The following LRGUK variants were observed in gnomAD, a reference collection of about 807,000 sequenced individuals.
LRGUK encodes the protein leucine-rich repeat and guanylate kinase domain-containing protein.
Under a neutral mutation model 76.0 loss-of-function variants are expected in LRGUK, and 65 were observed. The observed-to-expected ratio is 0.85, with a 90% CI of 0.70 to 1.05. LRGUK has a LOEUF of 1.05. LRGUK is among the 50% of genes least tolerant of loss of function. The pLI is 0.00. For synonymous variants in LRGUK, 268 were observed against 265.6 expected, an observed-to-expected ratio of 1.01 and a Z score of -0.09; for missense variants, 758 against 732.8, an observed-to-expected ratio of 1.03 and a Z score of -0.40.
chr7:134,150,281 A>G (rs1179253783), intron 5 of LRGUK, among the ~76,000 whole-genome samples: 2 of 65,668 alleles, frequency 3.0e-5, no homozygotes, highest in Non-Finnish European at 5.6e-5. Flanking sequence ...TGTCTCAAAA[A>G]ACAAAAAAAA....
chr7:134,247,716 C>T lies in LRGUK; in HGVS notation c.2072+72C>T, dbSNP rs892414036. ...CAAATAGATCAAATGAATCCTAAATCGTGAACATAAACAGAGACCTCTGTC... is the reference window on the plus strand; with the variant it reads ...CAAATAGATCAAATGAATCCTAAATTGTGAACATAAACAGAGACCTCTGTC... On this transcript the variant is annotated intron_variant, in intron 17 of 19. Coordinates refer to the LRGUK transcript ENST00000285928. 30 of 1,211,616 alleles carry T rather than the reference C, an allele frequency of 2.5e-5. No homozygotes were observed. In the South Asian group the frequency reaches 2.5e-4, roughly 10 times the overall value. The allele number at this position is 1,211,616 out of a possible 1,614,324, so 75.1% of individuals were successfully genotyped here.
At chr7:134,174,474 C>T in intron 7 of LRGUK, 82 bp from the exon 8 acceptor site, 1 of 829,846 alleles carries the variant, frequency 1.2e-6, no homozygotes, top group South Asian at 1.6e-5. Context: ...TTTAAAGGAC[C>T]CAAACTGGCT....
exon 16 of LRGUK, chr7:134,209,567 G>A (rs1180769226): frequency 2.5e-6 from 1 of 399,016 alleles, no homozygotes; most frequent in African/African-American, 2.1e-5. Context: ...CCAGCCTCAG[G>A]TGCTGGCTCC....
chr7:134,247,430 G>T, intron 16 of LRGUK, 126 bp from the exon 17 acceptor site: 4 of 562,844 alleles, frequency 7.1e-6, no homozygotes, highest in Non-Finnish European at 1.2e-5. Flanking sequence ...TGTTTTTTAT[G>T]CCTTTTCCCC....
intron 6 of LRGUK, among the ~76,000 whole-genome samples, 174 bp from the exon 7 acceptor site, chr7:134,163,223 G>A (rs541612682): frequency 1.3e-5 from 2 of 152,268 alleles, no homozygotes; most frequent in Admixed American, 6.5e-5. Flanking sequence ...TCTTTCTGGG[G>A]TATGTGTAGG....
intron 1 of LRGUK, among the ~76,000 whole-genome samples, chr7:134,129,920 A>G (rs1315049807): frequency 6.6e-6 from 1 of 151,546 alleles, no homozygotes; most frequent in African/African-American, 2.4e-5. Flanking sequence ...TCCTTTCCTC[A>G]TTTGTCTTAT....
At chr7:134,127,466 C>G in exon 1 of LRGUK, 1 of 1,614,058 alleles carries the variant, frequency 6.2e-7, no homozygotes. Flanking sequence ...TACAGTTTCG[C>G]GCAGAAAAAG....
intron 4 of LRGUK, among the ~76,000 whole-genome samples, chr7:134,146,014 T>C (rs759514352): frequency 6.6e-6 from 1 of 152,196 alleles, no homozygotes; most frequent in Admixed American, 6.5e-5. Flanking sequence ...GGCTGAGGCC[T>C]GTAATCCCAG....
At chr7:134,258,769 A>T (rs1585609487) in intron 19 of LRGUK, among the ~76,000 whole-genome samples, 1 of 152,120 alleles carries the variant, frequency 6.6e-6, no homozygotes, top group Admixed American at 6.5e-5. Context: ...ATTTGTTTAT[A>T]TATGTTTCCT....
chr7:134,271,986 GTTA>G, the LRGUK span, among the ~76,000 whole-genome samples: 1 of 151,862 alleles, frequency 6.6e-6, no homozygotes, highest in Non-Finnish European at 1.5e-5. Context: ...CTTTCCATCC[GTTA>G]TTATTTTCTT....
the LRGUK span, among the ~76,000 whole-genome samples, chr7:134,276,438 G>A: frequency 6.6e-6 from 1 of 152,100 alleles, no homozygotes; most frequent in Non-Finnish European, 1.5e-5. Context: ...TGTTAGGCTC[G>A]GTCACGGAAG....
chr7:134,173,852 T>A lies in LRGUK; in HGVS notation c.940-704T>A, dbSNP rs544506167. 1.2e-4 allele frequency among the ~76,000 whole-genome samples: 18 copies of A among 152,312 alleles called. No homozygotes were observed. In the South Asian group the frequency reaches 3.7e-3, roughly 32 times the overall value. Reference sequence around the variant, plus strand: ...AGGCTTTGGCCGGGTGGCTCATGCCTGTAATCCCAGAACTTTGGGAGGCTG... The same window carrying A: ...AGGCTTTGGCCGGGTGGCTCATGCCAGTAATCCCAGAACTTTGGGAGGCTG... On this transcript the variant is annotated intron_variant, in intron 7 of 15. Coordinates refer to ENST00000645682, the Ensembl canonical transcript of LRGUK.
At chr7:134,271,977 T>C in the LRGUK span, among the ~76,000 whole-genome samples, 17 of 152,138 alleles carry the variant, frequency 1.1e-4, no homozygotes, top group African/African-American at 3.9e-4. Context: ...ATTCCTTTTC[T>C]TTCCATCCGT....
chr7:134,252,853 G>A (rs1352673920), intron 18 of LRGUK, among the ~76,000 whole-genome samples: 2 of 152,148 alleles, frequency 1.3e-5, no homozygotes, highest in Admixed American at 6.5e-5. Context: ...CCAGATGATA[G>A]CTAATTGCAC....
downstream of LRGUK, among the ~76,000 whole-genome samples, chr7:134,266,299 C>T (rs768127581): frequency 5.5e-4 from 84 of 152,164 alleles, no homozygotes; most frequent in Middle Eastern, 3.4e-3. Context: ...TATGCCCACA[C>T]CAAAATGACA....
chr7:134,210,230 C>T (rs898650518), exon 16 of LRGUK: 1 of 399,142 alleles, frequency 2.5e-6, no homozygotes, highest in East Asian at 3.6e-5. Flanking sequence ...CAACCCCAGC[C>T]CTCCTCTTGT....
In LRGUK at chr7:134,223,186, T is replaced by C. The variant is rs573183101; in HGVS notation, c.1983+1268T>C. Among the ~76,000 whole-genome samples, 6 of 152,328 alleles carry C rather than the reference T, an allele frequency of 3.9e-5. No individual in the cohort carries two copies. In the East Asian group the frequency reaches 1.2e-3, roughly 29 times the overall value. On this transcript the variant is annotated intron_variant, in intron 16 of 19. Coordinates refer to the LRGUK transcript ENST00000285928. ...ACCCACAGGCTTTGCTCCCACTAGCTTGAGCACTACTCTCATGCGCCATCC... is the reference window on the plus strand; with the variant it reads ...ACCCACAGGCTTTGCTCCCACTAGCCTGAGCACTACTCTCATGCGCCATCC...
At chr7:134,167,241 T>C (rs1381471921) in intron 7 of LRGUK, among the ~76,000 whole-genome samples, 2 of 152,206 alleles carry the variant, frequency 1.3e-5, no homozygotes, top group Admixed American at 6.5e-5. Context: ...GCTCTCTGGA[T>C]AGTCTTGGCT....
chr7:134,158,767 A>T (rs1338917629), intron 6 of LRGUK, among the ~76,000 whole-genome samples: 1 of 152,216 alleles, frequency 6.6e-6, no homozygotes, highest in Non-Finnish European at 1.5e-5. Flanking sequence ...GACTCAATTT[A>T]CAGAAATTCA....
Sources: gnomAD v4.1 joint callset for allele counts (sites outside exome capture counted in the v4.1 genomes callset) on GRCh38, gnomAD v4.1.1 for gene constraint, MANE v1.5 for transcripts, NCBI Gene and HGNC (gene_info 2026-07-23, HGNC 2026-07-21) for gene names.